Variants in MYO1B observed in about 807,000 individuals in gnomAD.
MYO1B encodes unconventional myosin-Ib.
MYO1B carries 72 observed loss-of-function variants against 159.7 expected under a neutral mutation model. The ratio of observed to expected loss-of-function variants is 0.45; its 90% CI spans 0.37 to 0.55. The LOEUF (loss-of-function observed/expected upper bound fraction) is 0.55. MYO1B is among the 20% of genes least tolerant of loss of function. The pLI, the probability that MYO1B is intolerant of heterozygous loss-of-function variation, is 0.00. For synonymous variants in MYO1B, 468 were observed against 473.8 expected, an observed-to-expected ratio of 0.99 and a Z score of 0.16; for missense variants, 1,062 against 1,364.8, an observed-to-expected ratio of 0.78 and a Z score of 3.50.
intron 2 of MYO1B, among the ~76,000 whole-genome samples, chr2:191,280,920 G>T (rs1333598500): frequency 6.6e-6 from 1 of 152,188 alleles, no homozygotes; most frequent in Non-Finnish European, 1.5e-5. Context: ...GCGCCCAATG[G>T]CTTGCTTCTC....
intron 1 of MYO1B, chr2:191,246,324 T>C (rs1008076621): frequency 4.6e-5 from 7 of 151,462 alleles, no homozygotes; most frequent in Non-Finnish European, 8.8e-5. Context: ...GGGAAGAGAG[T>C]TGGGGAGAGG....
chr2:191,284,450 A>G (rs1273995125), intron 2 of MYO1B, among the ~76,000 whole-genome samples: 2 of 152,134 alleles, frequency 1.3e-5, no homozygotes, highest in Non-Finnish European at 1.5e-5. Flanking sequence ...ACTGTAAGGA[A>G]TAGAGGTTCT....
At chr2:191,273,711 G>T (rs937423030) in intron 1 of MYO1B, among the ~76,000 whole-genome samples, 8 of 152,334 alleles carry the variant, frequency 5.3e-5, no homozygotes, top group Middle Eastern at 3.4e-3. Flanking sequence ...TGGATTCCTT[G>T]TGAGGGCTCT....
At chr2:191,325,569 A>T (rs1691002015) in intron 3 of MYO1B, among the ~76,000 whole-genome samples, 1 of 152,164 alleles carries the variant, frequency 6.6e-6, no homozygotes, top group African/African-American at 2.4e-5. Flanking sequence ...AGGCTGAAAC[A>T]TGGGGCCATG....
At chr2:191,421,895 T>C (rs1360198683) in intron 30 of MYO1B, among the ~76,000 whole-genome samples, 4 of 152,242 alleles carry the variant, frequency 2.6e-5, no homozygotes, top group African/African-American at 7.2e-5. Flanking sequence ...GCCAGAGATA[T>C]ATCTCAGGTA....
At chr2:191,414,027 G>T in intron 27 of MYO1B, 21 bp from the exon 28 acceptor site, 1 of 1,580,430 alleles carries the variant, frequency 6.3e-7, no homozygotes, top group Non-Finnish European at 8.6e-7. Flanking sequence ...TTTCTAATGT[G>T]CAGGAATTTT....
At chr2:191,275,994 G>A in intron 1 of MYO1B, among the ~76,000 whole-genome samples, 1 of 152,224 alleles carries the variant, frequency 6.6e-6, no homozygotes, top group South Asian at 2.1e-4. Flanking sequence ...TAGTAGCAGG[G>A]TAGAATGCTG....
chr2:191,306,757 A>G (rs1689673516), intron 3 of MYO1B, among the ~76,000 whole-genome samples: 1 of 152,164 alleles, frequency 6.6e-6, no homozygotes, highest in African/African-American at 2.4e-5. Flanking sequence ...GGAGAGGTTC[A>G]GAGTCCCAGG....
At chr2:191,293,890 C>T (rs370080666) in intron 2 of MYO1B, among the ~76,000 whole-genome samples, 9 of 152,180 alleles carry the variant, frequency 5.9e-5, no homozygotes, top group African/African-American at 2.2e-4. Context: ...AACAGTAACA[C>T]ATGGCATATA....
At chr2:191,323,780 T>C (rs1213404777) in intron 3 of MYO1B, among the ~76,000 whole-genome samples, 2 of 152,192 alleles carry the variant, frequency 1.3e-5, no homozygotes, top group Admixed American at 6.6e-5. Context: ...CTTGATGATA[T>C]TATTTTTGTT....
chr2:191,265,615 T>C (rs976093724), intron 1 of MYO1B, among the ~76,000 whole-genome samples: 3 of 152,196 alleles, frequency 2.0e-5, no homozygotes, highest in African/African-American at 7.2e-5. Context: ...CCAGTTATAT[T>C]TGAACAGTTT....
intron 26 of MYO1B, among the ~76,000 whole-genome samples, chr2:191,409,797 C>T (rs1044657818): frequency 2.6e-5 from 4 of 152,170 alleles, no homozygotes; most frequent in South Asian, 2.1e-4. Flanking sequence ...GCATGGAACA[C>T]GTGGGGCACT....
intron 3 of MYO1B, among the ~76,000 whole-genome samples, chr2:191,310,513 A>G (rs190174850): frequency 6.6e-6 from 1 of 152,346 alleles, no homozygotes; most frequent in East Asian, 1.9e-4. Context: ...TGAAGAAGGA[A>G]TTCTTGAAGT....
intron 28 of MYO1B, 21 bp downstream of exon 28, chr2:191,414,201 G>T (rs1327409833): frequency 2.5e-6 from 4 of 1,601,740 alleles, no homozygotes; most frequent in East Asian, 2.2e-5. Flanking sequence ...TAACCTTGAA[G>T]ACTGATAAGA....
intron 2 of MYO1B, among the ~76,000 whole-genome samples, chr2:191,291,438 C>T (rs1486785798): frequency 6.6e-6 from 1 of 151,330 alleles, no homozygotes; most frequent in African/African-American, 2.5e-5. Flanking sequence ...TTTTCTTCTC[C>T]CTCTTCCCTT....
intron 28 of MYO1B, 91 bp from the exon 29 acceptor site, chr2:191,414,426 T>C: frequency 8.1e-7 from 1 of 1,231,464 alleles, no homozygotes. Flanking sequence ...TTGAAGGATA[T>C]TGGAATTTTT....
intron 1 of MYO1B, chr2:191,246,230 A>G (rs1045862224): frequency 6.6e-6 from 1 of 151,980 alleles, no homozygotes; most frequent in Non-Finnish European, 1.5e-5. Context: ...GGATTGATTC[A>G]CGGTCCCAGA....
At chr2:191,277,553 AC>A (rs1341302396) in intron 2 of MYO1B, among the ~76,000 whole-genome samples, 3 of 152,238 alleles carry the variant, frequency 2.0e-5, no homozygotes, top group African/African-American at 4.8e-5. Flanking sequence ...ATATACATAA[AC>A]AGAAGCATAA....
chr2:191,331,205 C>T (rs111579595), intron 4 of MYO1B, among the ~76,000 whole-genome samples: 3,398 of 152,152 alleles, frequency 0.022, 115 homozygotes, highest in African/African-American at 0.076. Flanking sequence ...AAGTTCTAGG[C>T]TCTAGGTGGT....
Sources: gnomAD v4.1 joint callset for allele counts (sites outside exome capture counted in the v4.1 genomes callset) on GRCh38, gnomAD v4.1.1 for gene constraint, MANE v1.5 for transcripts, NCBI Gene and HGNC (gene_info 2026-07-23, HGNC 2026-07-21) for gene names.